The following SPDYA variants were observed in gnomAD, a reference collection of about 807,000 sequenced individuals.
The protein encoded by SPDYA is speedy/RINGO cell cycle regulator family member A.
Under a neutral mutation model 36.7 loss-of-function variants are expected in SPDYA, and 11 were observed. The observed-to-expected ratio is 0.30, with a 90% CI of 0.19 to 0.50. SPDYA has a LOEUF of 0.50. Among genes scored for constraint, SPDYA ranks in the 20% least tolerant of loss-of-function variants. The pLI is 0.98. For synonymous variants in SPDYA, 115 were observed against 118.7 expected (o/e 0.97, Z 0.20); for missense variants, 287 against 370.9 (o/e 0.77, Z 1.86).
chr2:28,840,686 A>T, intron 7 of SPDYA: 1 of 1,293,528 alleles, frequency 7.7e-7, no homozygotes. Context: ...ACCTATGTTA[A>T]GTTGAAAACT....
chr2:28,834,775 T>C (rs1157695917), intron 6 of SPDYA, among the ~76,000 whole-genome samples: 1 of 152,220 alleles, frequency 6.6e-6, no homozygotes, highest in East Asian at 1.9e-4. Flanking sequence ...GCTTCAAAAT[T>C]GACCGTGGTT....
chr2:28,812,603 T>C (rs1477742340), intron 1 of SPDYA, among the ~76,000 whole-genome samples: 1 of 151,982 alleles, frequency 6.6e-6, no homozygotes, highest in Non-Finnish European at 1.5e-5. Flanking sequence ...ACGCCTGTAA[T>C]CCCAGCGCTT....
intron 3 of SPDYA, among the ~76,000 whole-genome samples, chr2:28,817,751 G>A (rs1396138641): frequency 4.8e-5 from 7 of 147,042 alleles, no homozygotes; most frequent in Admixed American, 2.0e-4. Context: ...CTTGGGAGGC[G>A]GAGGCAGGAG....
chr2:28,841,849 T>C (rs1005020812), intron 7 of SPDYA, among the ~76,000 whole-genome samples: 9 of 152,290 alleles, frequency 5.9e-5, no homozygotes, highest in Admixed American at 4.6e-4. Flanking sequence ...CTGGGCAACA[T>C]AGCAAGACCC....
chr2:28,828,658 T>C (rs1668396214), intron 5 of SPDYA, among the ~76,000 whole-genome samples: 2 of 152,192 alleles, frequency 1.3e-5, no homozygotes, highest in Admixed American at 1.3e-4. Context: ...CATATGTGTA[T>C]AAGAAAATTA....
At chr2:28,816,276 T>C in intron 3 of SPDYA, 27 bp downstream of exon 3, 1 of 1,489,684 alleles carries the variant, frequency 6.7e-7, no homozygotes, top group Non-Finnish European at 9.1e-7. Flanking sequence ...GTAATAGTGG[T>C]AATTATAAAG....
At chr2:28,814,555 C>G (rs1667936899) in intron 1 of SPDYA, 58 bp from the exon 2 acceptor site, 1 of 152,114 alleles carries the variant, frequency 6.6e-6, no homozygotes. Flanking sequence ...ACATATGTGG[C>G]TTACATTATA....
At chr2:28,821,089 T>A (rs1324138213) in intron 4 of SPDYA, among the ~76,000 whole-genome samples, 1 of 152,122 alleles carries the variant, frequency 6.6e-6, no homozygotes, top group Non-Finnish European at 1.5e-5. Context: ...TTAAGAGCTG[T>A]TTTAAAACAA....
chr2:28,815,229 C>T (rs1435206138), intron 2 of SPDYA, among the ~76,000 whole-genome samples: 1 of 149,656 alleles, frequency 6.7e-6, no homozygotes. Context: ...CTGCAGTGAG[C>T]CGTAATCATG....
intron 5 of SPDYA, among the ~76,000 whole-genome samples, chr2:28,825,932 A>T (rs1336129721): frequency 6.6e-6 from 1 of 151,674 alleles, no homozygotes; most frequent in Admixed American, 6.6e-5. Context: ...TTTTTTAAAG[A>T]TGGAGTTTTG....
rs116777821 is a variant in SPDYA, at chr2:28,815,036, C to T, written c.-19+350C>T. 7.0e-3 allele frequency among the ~76,000 whole-genome samples: 1,063 copies of T among 152,218 alleles called. 8 individuals carry two copies. The highest frequency in any genetic ancestry group is 0.024 in the African/African-American group (1,010 of 41,522). On this transcript the variant is annotated intron_variant, in intron 2 of 7. Coordinates refer to ENST00000334056, the MANE Select transcript of SPDYA (RefSeq NM_182756.4). ...ATGGCTCAAGCCCATAATTCCCACA[C>T]TTTGGGAAGCTGAGGCGAGAGGATG...
chr2:28,828,291 T>C lies in SPDYA; in HGVS notation c.381-857T>C, dbSNP rs528767171. Among the ~76,000 whole-genome samples the C allele has an allele frequency of 2.9e-3, 449 of 152,262 alleles. 2 individuals are homozygous for C. Among genetic ancestry groups the C allele is most frequent in the African/African-American group, 9.8e-3 (406 of 41,558 alleles). On this transcript the variant is annotated intron_variant, in intron 5 of 7. Coordinates refer to ENST00000334056, the MANE Select transcript of SPDYA (RefSeq NM_182756.4). The stretch of plus-strand genomic sequence containing the variant: ...AGTGAGCCACCACGCCCGGCCCTCA[T>C]CTTGTGTTTATGATTTTTGTTTCTT...
chr2:28,840,833 T>G (rs1282571066), intron 7 of SPDYA: 2 of 935,934 alleles, frequency 2.1e-6, no homozygotes, highest in Non-Finnish European at 2.6e-6. Context: ...TCTGTATACT[T>G]TTCTAACAAA....
At chr2:28,812,833 G>A (rs1056079902) in intron 1 of SPDYA, among the ~76,000 whole-genome samples, 1 of 140,024 alleles carries the variant, frequency 7.1e-6, no homozygotes, top group African/African-American at 2.7e-5. Flanking sequence ...CTCCAGCCTG[G>A]GCGACAAGAG....
intron 6 of SPDYA, among the ~76,000 whole-genome samples, chr2:28,835,559 C>A (rs1668576181): frequency 6.6e-6 from 1 of 152,154 alleles, no homozygotes; most frequent in African/African-American, 2.4e-5. Context: ...ATCTCCAGAG[C>A]CTAGAACAGT....
intron 6 of SPDYA, among the ~76,000 whole-genome samples, chr2:28,833,347 C>T (rs1297948657): frequency 2.0e-5 from 3 of 152,116 alleles, no homozygotes; most frequent in Non-Finnish European, 4.4e-5. Flanking sequence ...CTACACCGGC[C>T]TCCTTACCTC....
At chr2:28,821,943 C>T (rs193087400) in intron 4 of SPDYA, among the ~76,000 whole-genome samples, 51 of 152,254 alleles carry the variant, frequency 3.3e-4, no homozygotes, top group African/African-American at 1.2e-3. Context: ...CACATACATA[C>T]ACACAAATAG....
At chr2:28,820,707 C>T (rs1053079844) in intron 4 of SPDYA, among the ~76,000 whole-genome samples, 1 of 152,036 alleles carries the variant, frequency 6.6e-6, no homozygotes, top group Non-Finnish European at 1.5e-5. Flanking sequence ...ACCAAGCAGT[C>T]ATATTTGAAA....
rs984297599 is a variant in SPDYA, at chr2:28,811,871, G to A, written c.-93+924G>A. 6.6e-6 allele frequency among the ~76,000 whole-genome samples: 1 copy of A among 152,066 alleles called. No individual in the cohort carries two copies. The highest frequency in any genetic ancestry group is 6.5e-5 in the Admixed American group (1 of 15,272). On this transcript the variant is annotated intron_variant, in intron 1 of 7. Transcript: ENST00000334056. This position sits in a 1 kb window ranked among gnomAD's most constrained non-coding sequence, Gnocchi z 4.2. ...CTCGGGAGGCTGAGGCGGGAGAATC[G>A]CTTGAACCCGGGAGGCAGAGGTGGC...
Sources: gnomAD v4.1 joint callset for allele counts (sites outside exome capture counted in the v4.1 genomes callset) on GRCh38, gnomAD v4.1.1 for gene constraint, Gnocchi (gnomAD v3.1) non-coding constraint, MANE v1.5 for transcripts, NCBI Gene and HGNC (gene_info 2026-07-23, HGNC 2026-07-21) for gene names.